Variants in HS3ST1 observed in about 807,000 individuals in gnomAD.
The protein encoded by HS3ST1 is heparan sulfate glucosamine 3-O-sulfotransferase 1.
In HS3ST1, 8 loss-of-function variants were observed where a neutral mutation model predicts 20.7. The observed-to-expected ratio is 0.39, with a 90% CI of 0.23 to 0.70. The LOEUF (loss-of-function observed/expected upper bound fraction) is 0.70. Ranked by LOEUF, HS3ST1 falls within the 30% of genes least tolerant of loss-of-function variation. The pLI, the probability that HS3ST1 is intolerant of heterozygous loss-of-function variation, is 0.46. For synonymous variants in HS3ST1, 205 were observed against 190.4 expected (o/e 1.08, Z -0.63); for missense variants, 436 against 423.4 (o/e 1.03, Z -0.26).
intron 1 of HS3ST1, among the ~76,000 whole-genome samples, chr4:11,427,352 G>A (rs946618748): frequency 6.6e-6 from 1 of 152,070 alleles, no homozygotes; most frequent in East Asian, 1.9e-4. Context: ...TGGTGGCGGG[G>A]TTTCCCTCCG....
chr4:11,433,824 A>G (rs1412202292), upstream of HS3ST1, among the ~76,000 whole-genome samples: 2 of 152,226 alleles, frequency 1.3e-5, no homozygotes, highest in African/African-American at 2.4e-5. Context: ...AGGAGCTCAC[A>G]GATGTGCATT....
intron 1 of HS3ST1, among the ~76,000 whole-genome samples, chr4:11,401,151 A>G (rs1718313305): frequency 1.3e-5 from 2 of 152,216 alleles, no homozygotes; most frequent in Admixed American, 1.3e-4. Flanking sequence ...TGCCTAAAAT[A>G]ATTGGGGATG....
intron 1 of HS3ST1, among the ~76,000 whole-genome samples, chr4:11,401,423 CA>C (rs1443847707): frequency 2.0e-5 from 3 of 151,650 alleles, no homozygotes. Context: ...CAGCTCACCG[CA>C]ACCTCCGCCT....
At chr4:11,411,797 T>C (rs1217894845) in intron 1 of HS3ST1, among the ~76,000 whole-genome samples, 4 of 152,176 alleles carry the variant, frequency 2.6e-5, no homozygotes, top group Non-Finnish European at 5.9e-5. Context: ...GAAGGAGAAG[T>C]TCAGGAATCA....
rs934247966 is a variant in HS3ST1 at position 11,398,938 on chromosome 4, A to G, written c.*144T>C. 5.9e-6 allele frequency: 4 copies of G among 682,998 alleles called. No homozygotes were observed. The highest frequency in any genetic ancestry group is 9.6e-6 in the Non-Finnish European group (4 of 417,666). 42.3% of individuals were successfully genotyped at this position (682,998 alleles called of 1,614,324 possible). Reference sequence around the variant, plus strand: ...GAAAAATATAACTAGTATATATGGCAATTGTGAATCTAATACTGTACAGAA... The same window carrying G: ...GAAAAATATAACTAGTATATATGGCGATTGTGAATCTAATACTGTACAGAA... On this transcript the variant is annotated 3_prime_UTR_variant, in exon 2 of 2. Transcript: ENST00000002596.
chr4:11,427,365 G>A (rs1322762520), intron 1 of HS3ST1, among the ~76,000 whole-genome samples: 5 of 152,122 alleles, frequency 3.3e-5, no homozygotes, highest in Admixed American at 6.5e-5. Flanking sequence ...TCCCTCCGGG[G>A]CTAGGGCTGA....
chr4:11,402,900 T>C (rs1718363760), intron 1 of HS3ST1, among the ~76,000 whole-genome samples: 4 of 152,222 alleles, frequency 2.6e-5, no homozygotes, highest in African/African-American at 4.8e-5. Context: ...ATATAGTTTG[T>C]CCTTTATGAA....
chr4:11,423,512 A>G (rs1718988476), intron 1 of HS3ST1, among the ~76,000 whole-genome samples: 1 of 152,162 alleles, frequency 6.6e-6, no homozygotes, highest in Non-Finnish European at 1.5e-5. Flanking sequence ...TTTAATCCTT[A>G]GCACATCACT....
At chr4:11,429,049 C>G (rs988779800), upstream of HS3ST1, 1 of 152,482 alleles carries the variant, frequency 6.6e-6, no homozygotes, top group Non-Finnish European at 1.5e-5. Flanking sequence ...GCCCGGCCCG[C>G]TCGGGTGCCG....
At chr4:11,408,541 C>G (rs759479703) in intron 1 of HS3ST1, among the ~76,000 whole-genome samples, 6 of 152,206 alleles carry the variant, frequency 3.9e-5, no homozygotes, top group African/African-American at 1.4e-4. Flanking sequence ...GGCTCCTGAA[C>G]GAATGATGAG....
intron 1 of HS3ST1, among the ~76,000 whole-genome samples, chr4:11,418,383 T>C (rs913987193): frequency 1.3e-5 from 2 of 152,222 alleles, no homozygotes; most frequent in African/African-American, 4.8e-5. Flanking sequence ...TTGCATACAT[T>C]ATGAAATGTG....
At chr4:11,401,704 C>G (rs901197834) in intron 1 of HS3ST1, among the ~76,000 whole-genome samples, 5 of 152,322 alleles carry the variant, frequency 3.3e-5, no homozygotes, top group Admixed American at 1.3e-4. Context: ...TAGTCTATTT[C>G]AAAATTTAGA....
At chr4:11,401,144 C>A (rs1718313247) in intron 1 of HS3ST1, among the ~76,000 whole-genome samples, 2 of 152,074 alleles carry the variant, frequency 1.3e-5, no homozygotes. Context: ...TTCATTTTGC[C>A]TAAAATAATT....
At chr4:11,406,759 G>A (rs1718476149) in intron 1 of HS3ST1, among the ~76,000 whole-genome samples, 2 of 152,088 alleles carry the variant, frequency 1.3e-5, no homozygotes, top group Admixed American at 6.6e-5. Context: ...ACTGTTATGC[G>A]AGAACTGCTT....
chr4:11,410,901 ATAAATAAAT>A (rs1449150081), intron 1 of HS3ST1, among the ~76,000 whole-genome samples: 4 of 151,848 alleles, frequency 2.6e-5, no homozygotes, highest in Non-Finnish European at 5.9e-5. Flanking sequence ...CAAAAAATAA[ATAAATAAAT>A]AAATAAATAA....
At chr4:11,424,163 T>C (rs1250843342) in intron 1 of HS3ST1, among the ~76,000 whole-genome samples, 1 of 152,150 alleles carries the variant, frequency 6.6e-6, no homozygotes, top group Non-Finnish European at 1.5e-5. Flanking sequence ...CAAGTCCTGT[T>C]CCACTCAAGC....
intron 1 of HS3ST1, among the ~76,000 whole-genome samples, chr4:11,406,901 A>G (rs1377077112): frequency 6.6e-6 from 1 of 152,138 alleles, no homozygotes; most frequent in Non-Finnish European, 1.5e-5. Flanking sequence ...TCAAAAGTAT[A>G]AGATTATTTT....
At chr4:11,416,575 C>T (rs1295365302) in intron 1 of HS3ST1, among the ~76,000 whole-genome samples, 1 of 152,128 alleles carries the variant, frequency 6.6e-6, no homozygotes, top group Non-Finnish European at 1.5e-5. Context: ...GCTGTTTGTC[C>T]CATGAGGGTT....
At chr4:11,432,004 G>T (rs1719214817), upstream of HS3ST1, among the ~76,000 whole-genome samples, 1 of 152,146 alleles carries the variant, frequency 6.6e-6, no homozygotes, top group African/African-American at 2.4e-5. Context: ...ATAATTGAGG[G>T]ATTTCATTAG....
Sources: allele counts gnomAD v4.1 joint callset (sites outside exome capture counted in the v4.1 genomes callset), GRCh38; gene constraint gnomAD v4.1.1; transcripts MANE v1.5; gene names NCBI Gene and HGNC (gene_info 2026-07-23, HGNC 2026-07-21).